Variants in C2orf66 observed in about 807,000 individuals in gnomAD.
The protein encoded by C2orf66 is uncharacterized protein C2orf66.
C2orf66 carries 6 observed loss-of-function variants against 7.0 expected under a neutral mutation model. The observed-to-expected ratio is 0.86, with a 90% CI of 0.47 to 1.69. C2orf66 has a LOEUF of 1.69. Among genes scored for constraint, C2orf66 ranks in the 40% most tolerant of loss-of-function variants. C2orf66 has a pLI of 0.01. For missense variants in C2orf66, 107 were observed against 112.0 expected, an observed-to-expected ratio of 0.96 and a Z score of 0.20; for synonymous variants, 38 against 43.8, an observed-to-expected ratio of 0.87 and a Z score of 0.52.
chr2:196,827,861 TACTC>T, the C2orf66 span, among the ~76,000 whole-genome samples: 1 of 152,198 alleles, frequency 6.6e-6, no homozygotes, highest in South Asian at 2.1e-4. Context: ...CAAATATGAA[TACTC>T]AAATGGGCAT....
the C2orf66 span, among the ~76,000 whole-genome samples, chr2:196,819,600 G>C: frequency 6.6e-6 from 1 of 152,172 alleles, no homozygotes; most frequent in Non-Finnish European, 1.5e-5. Flanking sequence ...GACTGCATTT[G>C]TTTCCACTTG....
At chr2:196,830,914 C>T in the C2orf66 span, among the ~76,000 whole-genome samples, 3 of 152,102 alleles carry the variant, frequency 2.0e-5, no homozygotes, top group South Asian at 6.2e-4. Context: ...AACAAGGGGG[C>T]TAATTCCTTA....
At chr2:196,827,037 C>CAA in the C2orf66 span, among the ~76,000 whole-genome samples, 1 of 149,914 alleles carries the variant, frequency 6.7e-6, no homozygotes, top group Non-Finnish European at 1.5e-5. Flanking sequence ...GTCTCAAAAA[C>CAA]AAAACAAAAC....
At chr2:196,830,282 T>C in the C2orf66 span, among the ~76,000 whole-genome samples, 6 of 152,296 alleles carry the variant, frequency 3.9e-5, no homozygotes, top group East Asian at 1.2e-3. Context: ...AAAGATCAAA[T>C]TTCTGGAGTG....
At chr2:196,814,423 G>C in the C2orf66 span, among the ~76,000 whole-genome samples, 1 of 151,950 alleles carries the variant, frequency 6.6e-6, no homozygotes, top group African/African-American at 2.4e-5. Flanking sequence ...GGCCTATAGG[G>C]GGTTGAGAGG....
chr2:196,814,680 G>A, the C2orf66 span, among the ~76,000 whole-genome samples: 9 of 152,052 alleles, frequency 5.9e-5, no homozygotes, highest in African/African-American at 1.9e-4. Flanking sequence ...CCAATGTTGA[G>A]CCCAATATGC....
At chr2:196,814,317 C>G (rs1244663908), upstream of C2orf66, among the ~76,000 whole-genome samples, 1 of 152,058 alleles carries the variant, frequency 6.6e-6, no homozygotes, top group African/African-American at 2.4e-5. Context: ...CAAACTAACA[C>G]AGGAACAGAA....
intron 1 of C2orf66, among the ~76,000 whole-genome samples, chr2:196,808,628 T>G (rs1200663076): frequency 6.6e-6 from 1 of 152,254 alleles, no homozygotes. Flanking sequence ...TTCCCATCAT[T>G]CACTTTAGAA....
the C2orf66 span, among the ~76,000 whole-genome samples, chr2:196,815,880 ATC>A: frequency 6.6e-6 from 1 of 152,126 alleles, no homozygotes; most frequent in Non-Finnish European, 1.5e-5. Context: ...ATAAAATTTA[ATC>A]TCTTTTTTCT....
chr2:196,806,258 C>T (rs1481438797), intron 2 of C2orf66, among the ~76,000 whole-genome samples: 7 of 152,162 alleles, frequency 4.6e-5, no homozygotes, highest in Non-Finnish European at 2.9e-5. Context: ...AGTGCAGTGG[C>T]GTGCTCTCAG....
upstream of C2orf66, among the ~76,000 whole-genome samples, chr2:196,813,366 G>A (rs1197389153): frequency 6.6e-6 from 1 of 152,266 alleles, no homozygotes; most frequent in Non-Finnish European, 1.5e-5. Flanking sequence ...GGGAAAACTG[G>A]CTAGCCATAT....
chr2:196,819,063 C>T, the C2orf66 span, among the ~76,000 whole-genome samples: 1 of 152,216 alleles, frequency 6.6e-6, no homozygotes. Context: ...ATTGAAATTG[C>T]TGTTGCTTCT....
the C2orf66 span, among the ~76,000 whole-genome samples, chr2:196,830,274 A>T: frequency 6.6e-6 from 1 of 152,184 alleles, no homozygotes; most frequent in African/African-American, 2.4e-5. Context: ...CCTCCCCTAA[A>T]GATCAAATTT....
chr2:196,816,631 C>G, the C2orf66 span, among the ~76,000 whole-genome samples: 2,158 of 152,168 alleles, frequency 0.014, 55 homozygotes, highest in African/African-American at 0.049. Context: ...ATTCATATCC[C>G]AAACCTCTGC....
At chr2:196,831,415 C>T in the C2orf66 span, among the ~76,000 whole-genome samples, 5 of 152,164 alleles carry the variant, frequency 3.3e-5, no homozygotes, top group African/African-American at 9.7e-5. Flanking sequence ...CCTGGGTCAC[C>T]TCTGCTGCCT....
At chr2:196,812,487 GC>G (rs1343564677), upstream of C2orf66, among the ~76,000 whole-genome samples, 1 of 152,134 alleles carries the variant, frequency 6.6e-6, no homozygotes, top group Admixed American at 6.5e-5. Flanking sequence ...TATTGAATGG[GC>G]AAAAACTGGA....
upstream of C2orf66, among the ~76,000 whole-genome samples, chr2:196,811,207 G>A (rs539581806): frequency 4.7e-4 from 72 of 152,300 alleles, no homozygotes; most frequent in African/African-American, 9.9e-4. Flanking sequence ...AGATGGGGCC[G>A]GAGAGGTAGT....
At chr2:196,805,664 T>A (rs1199771526) in intron 2 of C2orf66, among the ~76,000 whole-genome samples, 1 of 152,192 alleles carries the variant, frequency 6.6e-6, no homozygotes, top group Non-Finnish European at 1.5e-5. Flanking sequence ...CCTGCCCTTT[T>A]ATATTACCTC....
At chr2:196,825,319 A>G in the C2orf66 span, among the ~76,000 whole-genome samples, 1 of 152,164 alleles carries the variant, frequency 6.6e-6, no homozygotes, top group Non-Finnish European at 1.5e-5. Context: ...AATTATCAAC[A>G]TCACTAATAA....
Sources: gnomAD v4.1 joint callset for allele counts (sites outside exome capture counted in the v4.1 genomes callset) on GRCh38, gnomAD v4.1.1 for gene constraint, MANE v1.5 for transcripts, NCBI Gene and HGNC (gene_info 2026-07-23, HGNC 2026-07-21) for gene names.